GPR158: variants seen among roughly 807,000 people sequenced by gnomAD.
GPR158 encodes the protein G protein-coupled receptor 158.
A neutral mutation model predicts 78.2 loss-of-function variants in GPR158; 30 were observed. The observed-to-expected ratio is 0.38, with a 90% CI of 0.29 to 0.52. GPR158 has a LOEUF of 0.52. Ranked by LOEUF, GPR158 falls within the 20% of genes least tolerant of loss-of-function variation. The pLI is 0.83. For missense variants in GPR158, 1,463 were observed against 1,523.5 expected (o/e 0.96, Z 0.66); for synonymous variants, 581 against 591.1 (o/e 0.98, Z 0.25).
intron 2 of GPR158, among the ~76,000 whole-genome samples, chr10:25,368,740 T>C (rs138926834): frequency 4.0e-5 from 6 of 150,200 alleles, no homozygotes; most frequent in Admixed American, 6.6e-5. Context: ...GGGGATGGCA[T>C]TGAATCTGTA....
intron 4 of GPR158, among the ~76,000 whole-genome samples, chr10:25,418,592 T>G (rs1029583041): frequency 1.3e-5 from 2 of 151,012 alleles, no homozygotes; most frequent in Non-Finnish European, 3.0e-5. Context: ...TATTCTACAT[T>G]TTTTACTAAA....
At chr10:25,515,962 T>C (rs971922355) in intron 5 of GPR158, among the ~76,000 whole-genome samples, 1 of 151,540 alleles carries the variant, frequency 6.6e-6, no homozygotes, top group Non-Finnish European at 1.5e-5. Context: ...TCCACAATGG[T>C]TGAACTAGTT....
In GPR158 at chr10:25,495,675, G is replaced by A. The variant is rs529064103; in HGVS notation, c.1404+28956G>A. The stretch of plus-strand genomic sequence containing the variant: ...AAATGATGATGAGTGGTATGTTGTC[G>A]GCGCATTTCCTCTTAAGTGTTTCTA... On this transcript the variant is annotated intron_variant, in intron 5 of 10. Transcript: ENST00000376351. 1.2e-4 allele frequency among the ~76,000 whole-genome samples: 18 copies of A among 151,908 alleles called. 1 individual carries two copies. In the South Asian group the frequency reaches 1.5e-3, roughly 12 times the overall value.
chr10:25,254,012 G>A lies in GPR158; in HGVS notation c.1008+32855G>A, dbSNP rs377555419. On this transcript the variant is annotated intron_variant, in intron 2 of 10. Transcript: ENST00000376351. The stretch of plus-strand genomic sequence containing the variant: ...GTTTAGTTTGCTCTTTCAAATGGAA[G>A]GATATGTGTGTATGAATTCAAGAGC... Among the ~76,000 whole-genome samples the A allele has an allele frequency of 3.3e-4, 50 of 152,304 alleles. No homozygotes were observed. In the South Asian group the frequency reaches 0.01, roughly 31 times the overall value.
intron 2 of GPR158, among the ~76,000 whole-genome samples, chr10:25,394,631 A>G (rs1473767692): frequency 6.6e-6 from 1 of 152,320 alleles, no homozygotes; most frequent in East Asian, 1.9e-4. Flanking sequence ...TTTCAATTGC[A>G]GCATATAAAT....
intron 4 of GPR158, among the ~76,000 whole-genome samples, chr10:25,457,412 T>A (rs1588873341): frequency 6.6e-6 from 1 of 151,986 alleles, no homozygotes; most frequent in Non-Finnish European, 1.5e-5. Flanking sequence ...TCTCTTTATG[T>A]GATATTTTTG....
chr10:25,322,994 C>T (rs936472610), intron 2 of GPR158, among the ~76,000 whole-genome samples: 1 of 151,972 alleles, frequency 6.6e-6, no homozygotes, highest in Non-Finnish European at 1.5e-5. Flanking sequence ...CTACAGATGC[C>T]CGCCACCATG....
chr10:25,396,002 A>G lies in GPR158; in HGVS notation c.1100A>G (p.Asn367Ser). 5 of 1,568,918 alleles carry G rather than the reference A, an allele frequency of 3.2e-6. No individual in the cohort carries two copies. Among genetic ancestry groups the G allele is most frequent in the Non-Finnish European group, 4.4e-6 (5 of 1,139,010 alleles). ...TATCATCCTGGAGTCTTACCAGTGA[A>G]CAACTTTCGGAGTAAGTGCCCTTTG... ...GFYHPGVLPV[N>S]NFRRRGPDQH... The change falls in exon 3 of 11, where the codon AAC becomes AGC. Residue 367 changes from asparagine (N) to serine (S), a missense_variant. Physicochemically the swap from Asn to Ser is conservative, Grantham distance 46. Transcript: ENST00000376351.
chr10:25,181,800 C>T (rs1852613141), intron 1 of GPR158, among the ~76,000 whole-genome samples: 1 of 152,180 alleles, frequency 6.6e-6, no homozygotes, highest in East Asian at 1.9e-4. Flanking sequence ...TCACTGCATC[C>T]TCAACCTCCC....
intron 4 of GPR158, among the ~76,000 whole-genome samples, chr10:25,452,334 C>T (rs891287952): frequency 1.3e-5 from 2 of 152,130 alleles, no homozygotes; most frequent in South Asian, 2.1e-4. Context: ...GCATGAGCCA[C>T]GATACCTGGC....
At chr10:25,466,503 C>G (rs1482778214) in intron 4 of GPR158, 148 bp from the exon 5 acceptor site, 1 of 525,448 alleles carries the variant, frequency 1.9e-6, no homozygotes, top group Non-Finnish European at 3.4e-6. Context: ...AGTTTTTTAC[C>G]CACCTGAATA....
chr10:25,342,515 T>C (rs1435777576), intron 2 of GPR158, among the ~76,000 whole-genome samples: 1 of 152,016 alleles, frequency 6.6e-6, no homozygotes, highest in African/African-American at 2.4e-5. Flanking sequence ...AGCCTTATTG[T>C]ACAATTTTTG....
chr10:25,314,267 A>T (rs1854812629), intron 2 of GPR158, among the ~76,000 whole-genome samples: 1 of 151,774 alleles, frequency 6.6e-6, no homozygotes, highest in Non-Finnish European at 1.5e-5. Flanking sequence ...TGCCCAGCTA[A>T]TTTTTGTATT....
At chr10:25,192,402 C>T (rs1336683956) in intron 1 of GPR158, among the ~76,000 whole-genome samples, 1 of 152,144 alleles carries the variant, frequency 6.6e-6, no homozygotes, top group Non-Finnish European at 1.5e-5. Context: ...CGGACTAATA[C>T]AGTGTCTCTT....
At position 25,394,517 on chromosome 10, in the gene GPR158, C is replaced by T. The variant is rs149295310; in HGVS notation, c.1009-1394C>T. On this transcript the variant is annotated intron_variant, in intron 2 of 10. Coordinates refer to ENST00000376351, the MANE Select transcript of GPR158 (RefSeq NM_020752.3). ...CATGTTATTTTTATTAGGTTCTGTA[C>T]GCATTCTTTATGCATGCTGCGGTTA... is the stretch of plus-strand genomic sequence containing the variant. Among the ~76,000 whole-genome samples, 600 of 152,252 alleles carry T rather than the reference C, an allele frequency of 3.9e-3. 4 individuals carry two copies. The highest frequency in any genetic ancestry group is 0.014 in the African/African-American group (562 of 41,554).
At chr10:25,439,964 T>TATTCATTTCTAAATTCATTTA (rs1835046856) in intron 4 of GPR158, among the ~76,000 whole-genome samples, 1 of 152,206 alleles carries the variant, frequency 6.6e-6, no homozygotes, top group Non-Finnish European at 1.5e-5. Flanking sequence ...TTTTTAGAAA[T>TATTCATTTCTAAATTCATTTA]GAGCTTTCAT....
intron 1 of GPR158, among the ~76,000 whole-genome samples, chr10:25,186,961 T>C (rs1852696959): frequency 9.2e-6 from 1 of 109,062 alleles, no homozygotes; most frequent in African/African-American, 5.0e-5. Context: ...CCCTAACTCA[T>C]TTTTTTTTTT....
At chr10:25,399,202 T>A (rs1834408974) in intron 3 of GPR158, among the ~76,000 whole-genome samples, 1 of 152,132 alleles carries the variant, frequency 6.6e-6, no homozygotes, top group Admixed American at 6.5e-5. Flanking sequence ...TCATGAGAAC[T>A]CACTCACTAT....
chr10:25,466,457 A>G, intron 4 of GPR158, 194 bp from the exon 5 acceptor site: 1 of 478,906 alleles, frequency 2.1e-6, no homozygotes. Flanking sequence ...TATTAAGCCT[A>G]TCAACACCTT....
Sources: allele counts gnomAD v4.1 joint callset (sites outside exome capture counted in the v4.1 genomes callset), GRCh38; gene constraint gnomAD v4.1.1; transcripts MANE v1.5; gene names NCBI Gene and HGNC (gene_info 2026-07-23, HGNC 2026-07-21).